The following SORCS3 variants were observed in gnomAD, a reference collection of about 807,000 sequenced individuals.
SORCS3 encodes the protein VPS10 domain-containing receptor SorCS3.
Under a neutral mutation model 146.3 loss-of-function variants are expected in SORCS3, and 57 were observed. The ratio of observed to expected loss-of-function variants is 0.39; its 90% confidence interval spans 0.31 to 0.49. The LOEUF (loss-of-function observed/expected upper bound fraction) is 0.49. SORCS3 is among the 20% of genes least tolerant of loss of function. The pLI, the probability that SORCS3 is intolerant of heterozygous loss-of-function variation, is 0.92. For synonymous variants in SORCS3, 653 were observed against 618.5 expected (o/e 1.06, Z -0.83); for missense variants, 1,341 against 1,575.5 (o/e 0.85, Z 2.52).
chr10:104,696,494 AAT>A lies in SORCS3; in HGVS notation c.627+54548_627+54549del, dbSNP rs1267470485. 5.6e-4 allele frequency among the ~76,000 whole-genome samples: 50 copies of A among 88,644 alleles called. 1 individual carries two copies. Among genetic ancestry groups the A allele is most frequent in the African/African-American group, 2.4e-3 (50 of 21,008 alleles). 58.2% of individuals were successfully genotyped at this position (88,644 alleles called of 152,430 possible). A position where few individuals can be genotyped will look rare whatever the true frequency, so the allele number is the denominator to read the frequency against. On this transcript the variant is annotated intron_variant, in intron 1 of 26. Transcript: ENST00000369701. Reference sequence around the variant, plus strand: ...ATAGAATATAGAATATATAATATATAATATATATAATATATAATATATAATAT... The same window carrying A: ...ATAGAATATAGAATATATAATATATAATATATAATATATAATATATAATAT...
At chr10:104,796,330 G>A (rs2017554523) in intron 1 of SORCS3, among the ~76,000 whole-genome samples, 1 of 152,184 alleles carries the variant, frequency 6.6e-6, no homozygotes, top group Admixed American at 6.5e-5. Context: ...CATTTGATGA[G>A]CAAATTCATC....
intron 3 of SORCS3, among the ~76,000 whole-genome samples, chr10:104,973,645 A>G (rs1013640062): frequency 2.7e-5 from 4 of 150,502 alleles, no homozygotes; most frequent in African/African-American, 1.0e-4. Flanking sequence ...TCAAAAAAAC[A>G]GCTCCTGGAT....
At chr10:105,093,386 C>T (rs922344291) in intron 6 of SORCS3, among the ~76,000 whole-genome samples, 4 of 152,130 alleles carry the variant, frequency 2.6e-5, no homozygotes, top group African/African-American at 9.7e-5. Context: ...ATTACACTAA[C>T]AGCAAAATTG....
chr10:104,988,765 G>A (rs1209588134), intron 4 of SORCS3, among the ~76,000 whole-genome samples: 1 of 152,170 alleles, frequency 6.6e-6, no homozygotes, highest in Non-Finnish European at 1.5e-5. Flanking sequence ...CAGATATAGT[G>A]TTTGTTCAAT....
At chr10:104,978,735 T>C (rs1032257138) in intron 4 of SORCS3, among the ~76,000 whole-genome samples, 3 of 152,196 alleles carry the variant, frequency 2.0e-5, no homozygotes, top group African/African-American at 7.2e-5. Context: ...ATCTGAACGA[T>C]TGCTAGAGTC....
intron 1 of SORCS3, among the ~76,000 whole-genome samples, chr10:104,700,453 G>A (rs2016267544): frequency 1.3e-5 from 2 of 152,130 alleles, no homozygotes; most frequent in South Asian, 4.1e-4. Flanking sequence ...ATTGACCAAA[G>A]GAGAGTAGGT....
At chr10:104,716,362 A>C (rs781741139) in intron 1 of SORCS3, among the ~76,000 whole-genome samples, 3 of 152,194 alleles carry the variant, frequency 2.0e-5, no homozygotes, top group Non-Finnish European at 4.4e-5. Context: ...AGGAGATGTT[A>C]AACTTTGTTG....
intron 3 of SORCS3, among the ~76,000 whole-genome samples, chr10:104,940,204 TTATATATATATATATATA>T (rs71022748): frequency 3.8e-4 from 20 of 53,020 alleles, no homozygotes; most frequent in Admixed American, 1.9e-3. Flanking sequence ...TCCTTTTCTT[TTATATATATATATATATA>T]TATATATATA....
At chr10:105,254,255 A>G (rs1249624035) in intron 23 of SORCS3, among the ~76,000 whole-genome samples, 1 of 152,226 alleles carries the variant, frequency 6.6e-6, no homozygotes, top group Non-Finnish European at 1.5e-5. Context: ...GCAGCGGCCT[A>G]CATCCCCTGT....
In SORCS3 at chr10:104,812,197, G is replaced by A. The variant is rs148954889; in HGVS notation, c.628-30595G>A. Among the ~76,000 whole-genome samples, 646 of 152,222 alleles carry A rather than the reference G, an allele frequency of 4.2e-3. 4 individuals are homozygous for A. Among genetic ancestry groups the A allele is most frequent in the African/African-American group, 0.015 (629 of 41,534 alleles). ...CAGAGTAAGGACACAGTGCATCTTA[G>A]TCCAGTGATCACTTCCCCACTAGCT... On this transcript the variant is annotated intron_variant, in intron 1 of 26. Coordinates refer to ENST00000369701, the MANE Select transcript of SORCS3 (RefSeq NM_014978.3).
intron 4 of SORCS3, among the ~76,000 whole-genome samples, chr10:105,015,888 C>T (rs745952512): frequency 6.6e-6 from 1 of 151,402 alleles, no homozygotes; most frequent in Non-Finnish European, 1.5e-5. Flanking sequence ...CACCACCATG[C>T]CTGGCTAATT....
chr10:105,249,804 T>G (rs1297829992), intron 22 of SORCS3, among the ~76,000 whole-genome samples: 1 of 151,932 alleles, frequency 6.6e-6, no homozygotes, highest in Non-Finnish European at 1.5e-5. Context: ...GATAATTGCT[T>G]GAACCCAGGA....
At chr10:104,829,360 T>G (rs1191979667) in intron 1 of SORCS3, among the ~76,000 whole-genome samples, 1 of 151,706 alleles carries the variant, frequency 6.6e-6, no homozygotes, top group Non-Finnish European at 1.5e-5. Context: ...GACATCAGAG[T>G]GTTGATATTT....
At chr10:104,648,803 A>G (rs943210455) in intron 1 of SORCS3, among the ~76,000 whole-genome samples, 5 of 152,160 alleles carry the variant, frequency 3.3e-5, no homozygotes, top group Non-Finnish European at 1.5e-5. Flanking sequence ...GTAAATTTGG[A>G]AAAAATAATG....
intron 8 of SORCS3, among the ~76,000 whole-genome samples, chr10:105,144,993 C>A (rs2056121118): frequency 6.6e-6 from 1 of 152,034 alleles, no homozygotes; most frequent in Non-Finnish European, 1.5e-5. Flanking sequence ...TTAGATGCAC[C>A]AGAATCATCT....
chr10:105,224,463 T>C (rs1356544972), intron 20 of SORCS3, among the ~76,000 whole-genome samples: 2 of 152,202 alleles, frequency 1.3e-5, no homozygotes, highest in Non-Finnish European at 2.9e-5. Context: ...TCTGAATGTA[T>C]CACAGTTTAT....
chr10:105,116,721 T>C (rs1970102), intron 7 of SORCS3, among the ~76,000 whole-genome samples: 73,644 of 151,870 alleles, frequency 0.48, 18,386 homozygotes, highest in Non-Finnish European at 0.54. Flanking sequence ...AGAACAAGAT[T>C]ATGTCCTTTG....
At chr10:104,801,146 A>G (rs748422715) in intron 1 of SORCS3, among the ~76,000 whole-genome samples, 1 of 152,164 alleles carries the variant, frequency 6.6e-6, no homozygotes, top group Non-Finnish European at 1.5e-5. Flanking sequence ...TCTGCCACTC[A>G]TTGTTGGTGT....
intron 1 of SORCS3, among the ~76,000 whole-genome samples, chr10:104,829,024 A>C (rs957835243): frequency 7.9e-5 from 12 of 152,190 alleles, no homozygotes; most frequent in African/African-American, 2.7e-4. Flanking sequence ...AAAGCCTCTC[A>C]TCCACTGTGA....
Sources: gnomAD v4.1 joint callset for allele counts (sites outside exome capture counted in the v4.1 genomes callset) on GRCh38, gnomAD v4.1.1 for gene constraint, MANE v1.5 for transcripts, NCBI Gene and HGNC (gene_info 2026-07-23, HGNC 2026-07-21) for gene names.